TMEM50B: variants seen among roughly 807,000 people sequenced by gnomAD.
TMEM50B encodes the protein HCV p7-trans-regulated protein 3.
A neutral mutation model predicts 23.4 loss-of-function variants in TMEM50B; 14 were observed. The ratio of observed to expected loss-of-function variants is 0.60; its 90% confidence interval spans 0.39 to 0.93. The LOEUF is 0.93. Ranked by LOEUF, TMEM50B falls within the 40% of genes least tolerant of loss-of-function variation. TMEM50B has a pLI of 0.00. For synonymous variants in TMEM50B, 64 were observed against 62.3 expected (o/e 1.03, Z -0.13); for missense variants, 159 against 193.0 (o/e 0.82, Z 1.04).
intron 8 of TMEM50B, among the ~76,000 whole-genome samples, chr21:33,435,764 TC>T (rs1281899188): frequency 6.6e-6 from 1 of 150,412 alleles, no homozygotes; most frequent in Non-Finnish European, 1.5e-5. Context: ...GCGCCTGTAG[TC>T]CCAGCTACTT....
chr21:33,467,077 G>T lies in TMEM50B; in HGVS notation c.145C>A (p.Pro49Thr), dbSNP rs376706461. The T allele has an allele frequency of 6.2e-6, 10 of 1,614,168 alleles. No individual in the cohort carries two copies. The highest frequency in any genetic ancestry group is 8.5e-6 in the Non-Finnish European group (10 of 1,180,028). ...GCATGGTTCAACTGTTCTGGCTTAG[G>T]ATACACCACAGCTGCATCAATCATT... ...WIMIDAAVVYPKPEQLNHAFH... is the reference protein window; with the variant it reads ...WIMIDAAVVYTKPEQLNHAFH... Residue 49 changes from proline to threonine, a missense_variant, in exon 3 of 7, where the codon CCT (proline) becomes ACT (threonine). Coordinates refer to ENST00000542230, the MANE Select transcript of TMEM50B (RefSeq NM_006134.7).
chr21:33,436,160 C>A (rs1439628987), intron 8 of TMEM50B, among the ~76,000 whole-genome samples: 1 of 65,084 alleles, frequency 1.5e-5, no homozygotes, highest in Non-Finnish European at 2.9e-5. Context: ...GAGTTCGAGA[C>A]AGCCTGACCA....
rs2834217 is a variant in TMEM50B at position 33,449,843 on chromosome 21, T to A, written c.*975A>T. The A allele has an allele frequency of 0.59, 89,485 of 152,544 alleles. 28,316 individuals are homozygous for A. The highest frequency in any genetic ancestry group is 0.83 in the East Asian group (4,287 of 5,166). 9.4% of individuals were successfully genotyped at this position (152,544 alleles called of 1,614,324 possible). ...TGTCAAAAGATAACCCCAGTGGATA[T>A]TTGAAGCTGCTTTTACGAGAAGCAT... On this transcript the variant is annotated 3_prime_UTR_variant, in exon 7 of 7. Transcript: ENST00000542230.
intron 8 of TMEM50B, among the ~76,000 whole-genome samples, chr21:33,434,429 G>GT (rs2083923139): frequency 6.6e-6 from 1 of 152,142 alleles, no homozygotes; most frequent in Non-Finnish European, 1.5e-5. Context: ...GGCTGAGGCA[G>GT]GAGAATTGCT....
chr21:33,446,194 A>G (rs1460205483), downstream of TMEM50B, among the ~76,000 whole-genome samples: 2 of 151,846 alleles, frequency 1.3e-5, no homozygotes, highest in East Asian at 1.9e-4. Context: ...CCACCATAGC[A>G]GCACTTTCCC....
chr21:33,473,467 A>G (rs1363131538), intron 1 of TMEM50B, among the ~76,000 whole-genome samples: 7 of 151,500 alleles, frequency 4.6e-5, no homozygotes, highest in Non-Finnish European at 1.0e-4. Flanking sequence ...GAAAAAAAAA[A>G]AAAAAAAAAA....
intron 1 of TMEM50B, among the ~76,000 whole-genome samples, chr21:33,469,188 G>A (rs1018667263): frequency 7.2e-5 from 11 of 152,228 alleles, no homozygotes; most frequent in African/African-American, 2.6e-4. Flanking sequence ...GGTGGTTCAC[G>A]CCTGTAATTC....
At chr21:33,456,982 T>G (rs570943513) in intron 5 of TMEM50B, among the ~76,000 whole-genome samples, 1 of 152,300 alleles carries the variant, frequency 6.6e-6, no homozygotes, top group African/African-American at 2.4e-5. Context: ...AGGCTGGGTG[T>G]GGTGACTCAC....
chr21:33,437,040 T>G, intron 8 of TMEM50B: 1 of 1,496,300 alleles, frequency 6.7e-7, no homozygotes, highest in South Asian at 1.1e-5. Context: ...GTCTGGACTT[T>G]CCAGAGACCA....
At position 33,468,874 on chromosome 21, in the gene TMEM50B, G is replaced by A. The variant is rs2084288153; in HGVS notation, c.12C>T (p.Phe4=). The change falls in exon 2 of 7, where the codon TTC becomes TTT. Residue 4 remains phenylalanine (F), a synonymous_variant. Coordinates refer to ENST00000542230, the MANE Select transcript of TMEM50B (RefSeq NM_006134.7). ...ATTCTGGCCAACGAAAATTATCTAGGAAGCCTGCCATTTTTACTTCTTAAG... is the reference window on the plus strand; with the variant it reads ...ATTCTGGCCAACGAAAATTATCTAGAAAGCCTGCCATTTTTACTTCTTAAG... MAG[F]LDNFRWPECE... 1.2e-6 allele frequency: 2 copies of A among 1,613,028 alleles called. No individual in the cohort carries two copies. The highest frequency in any genetic ancestry group is 1.7e-6 in the Non-Finnish European group (2 of 1,179,674).
intron 8 of TMEM50B, among the ~76,000 whole-genome samples, chr21:33,435,211 A>G (rs1365157716): frequency 2.0e-5 from 3 of 152,152 alleles, no homozygotes; most frequent in African/African-American, 4.8e-5. Context: ...ACACCCCTTT[A>G]TATGTTAAGG....
At chr21:33,458,392 C>A (rs1448648156) in intron 5 of TMEM50B, among the ~76,000 whole-genome samples, 1 of 152,010 alleles carries the variant, frequency 6.6e-6, no homozygotes, top group Non-Finnish European at 1.5e-5. Flanking sequence ...CATGCACCTG[C>A]AGTCCCAGCT....
intron 6 of TMEM50B, among the ~76,000 whole-genome samples, chr21:33,451,572 A>G (rs2084120564): frequency 6.6e-6 from 1 of 152,142 alleles, no homozygotes; most frequent in Non-Finnish European, 1.5e-5. Context: ...AAGAGGGGGA[A>G]TTATCTCGGC....
chr21:33,447,606 T>C (rs1310615914), downstream of TMEM50B, among the ~76,000 whole-genome samples: 2 of 151,954 alleles, frequency 1.3e-5, no homozygotes, highest in African/African-American at 4.8e-5. Context: ...TGGTTTGATA[T>C]CATCAATCTT....
intron 2 of TMEM50B, 65 bp from the exon 3 acceptor site, chr21:33,467,187 C>T (rs936188694): frequency 1.2e-5 from 16 of 1,373,818 alleles, no homozygotes; most frequent in Non-Finnish European, 2.1e-6. Context: ...TGCTTTTTAA[C>T]ATTCCTTTTG....
chr21:33,463,587 T>C (rs2084236511), intron 4 of TMEM50B, among the ~76,000 whole-genome samples: 1 of 151,862 alleles, frequency 6.6e-6, no homozygotes, highest in South Asian at 2.1e-4. Context: ...ACACATTTGA[T>C]CAAGCTCATC....
intron 7 of TMEM50B, among the ~76,000 whole-genome samples, chr21:33,440,871 A>C (rs2084002437): frequency 6.6e-6 from 1 of 151,804 alleles, no homozygotes; most frequent in African/African-American, 2.4e-5. Context: ...ACAGAGCAAG[A>C]CTCTGTCTCA....
intron 1 of TMEM50B, among the ~76,000 whole-genome samples, chr21:33,477,893 T>C (rs538972031): frequency 6.6e-6 from 1 of 151,880 alleles, no homozygotes; most frequent in African/African-American, 2.4e-5. Context: ...CCCAGCACTT[T>C]GGGAGGCTGA....
intron 1 of TMEM50B, among the ~76,000 whole-genome samples, chr21:33,472,759 C>T (rs925177715): frequency 6.6e-6 from 1 of 151,884 alleles, no homozygotes; most frequent in Admixed American, 6.6e-5. Flanking sequence ...GTAATCCCAG[C>T]TACTTGGGAG....
Sources: allele counts gnomAD v4.1 joint callset (sites outside exome capture counted in the v4.1 genomes callset), GRCh38; gene constraint gnomAD v4.1.1; transcripts MANE v1.5; gene names NCBI Gene and HGNC (gene_info 2026-07-23, HGNC 2026-07-21).